The following SSH3 variants were observed in gnomAD, a reference collection of about 807,000 sequenced individuals.
SSH3 encodes slingshot protein phosphatase 3.
Under a neutral mutation model 75.0 loss-of-function variants are expected in SSH3, and 67 were observed. The observed-to-expected ratio is 0.89, with a 90% CI of 0.73 to 1.10. The LOEUF (loss-of-function observed/expected upper bound fraction) is 1.10, where lower values mean the gene tolerates loss of function less well. SSH3 is among the 50% of genes least tolerant of loss of function. The probability of loss-of-function intolerance (pLI) is 0.00; values close to 1 mark genes in which losing one functional copy is unlikely to be tolerated. For missense variants in SSH3, 824 were observed against 872.7 expected (o/e 0.94, Z 0.70); for synonymous variants, 318 against 349.2 (o/e 0.91, Z 1.00).
At chr11:67,310,465 GC>G in intron 13 of SSH3, 126 bp downstream of exon 13, 2 of 1,258,740 alleles carry the variant, frequency 1.6e-6, no homozygotes, top group Non-Finnish European at 2.1e-6. Context: ...AGTCTGGCCC[GC>G]CCATGCAGGG....
chr11:67,304,250 G>A (rs1861161650), intron 2 of SSH3, 95 bp downstream of exon 2: 7 of 1,025,730 alleles, frequency 6.8e-6, no homozygotes, highest in Non-Finnish European at 8.5e-6. Flanking sequence ...AAGCTCCCCG[G>A]AGGACGCGCA....
chr11:67,303,957 G>C (rs1475012746), intron 1 of SSH3, 161 bp from the exon 2 acceptor site: 7 of 1,027,622 alleles, frequency 6.8e-6, no homozygotes, highest in Non-Finnish European at 9.5e-6. Flanking sequence ...CTGGCCTTGG[G>C]CCGGGGCTCC....
chr11:67,305,575 T>C (rs1318889319), intron 3 of SSH3, among the ~76,000 whole-genome samples: 1 of 152,140 alleles, frequency 6.6e-6, no homozygotes, highest in Non-Finnish European at 1.5e-5. Context: ...TGTGAGCCAA[T>C]AGGGCCAAAT....
intron 2 of SSH3, among the ~76,000 whole-genome samples, chr11:67,304,426 G>C (rs1190324515): frequency 6.6e-6 from 1 of 152,208 alleles, no homozygotes; most frequent in Non-Finnish European, 1.5e-5. Context: ...AACGGCAGGA[G>C]GGCATGATGG....
Position 67,312,075 on chromosome 11 carries a change from C to A in SSH3, c.*188C>A. 1.3e-6 allele frequency: 1 copy of A among 760,110 alleles called. No individual in the cohort carries two copies. Among genetic ancestry groups the A allele is most frequent in the Non-Finnish European group, 2.1e-6 (1 of 485,724 alleles). The allele number at this position is 760,110 out of a possible 1,614,324, so 47.1% of individuals were successfully genotyped here. A position where few individuals can be genotyped will look rare whatever the true frequency, so the allele number is the denominator to read the frequency against. The stretch of plus-strand genomic sequence containing the variant: ...CCTGTCACTACAGCCTCACCTCCTA[C>A]AGCCTTAAGTCCCAGGCCCATGTCT... On this transcript the variant is annotated 3_prime_UTR_variant, in exon 14 of 14. Coordinates refer to ENST00000308127, the MANE Select transcript of SSH3 (RefSeq NM_017857.4).
At chr11:67,304,688 A>T in intron 2 of SSH3, 85 bp from the exon 3 acceptor site, 1 of 1,336,890 alleles carries the variant, frequency 7.5e-7, no homozygotes, top group Non-Finnish European at 1.0e-6. Context: ...CAAGGGCTGC[A>T]GGTGAATGTG....
In SSH3 at chr11:67,306,860, G is replaced by A. The variant is rs202137284; in HGVS notation, c.362G>A (p.Arg121Gln). 2.0e-5 allele frequency: 32 copies of A among 1,612,620 alleles called. No homozygotes were observed. In the Admixed American group the frequency reaches 4.5e-4, roughly 23 times the overall value. ...CAGGCAGCCCAGCTGGAGGCACCCC[G>A]GCCTCCCCGGCTCCGCTACCTGCTG... ...IRLAAQLEAP[R>Q]PPRLRYLLVV... Residue 121 changes from arginine to glutamine, a missense_variant, in exon 4 of 14, where the codon CGG becomes CAG. Physicochemically the swap from Arg to Gln is conservative, Grantham distance 43. Transcript: ENST00000308127.
Position 67,307,988 on chromosome 11 carries a change from C to G in SSH3, c.885+49C>G. 2.5e-6 allele frequency: 4 copies of G among 1,610,302 alleles called. No homozygotes were observed. Among genetic ancestry groups the G allele is most frequent in the Non-Finnish European group, 2.5e-6 (3 of 1,177,752 alleles). ...AGTCCCCTCTAGCAGGGGCTGCAAG[C>G]TTGCCTTTCCTGGGAGCCCTCCCCA... On this transcript the variant is annotated intron_variant, in intron 8 of 13. Coordinates refer to ENST00000308127, the MANE Select transcript of SSH3 (RefSeq NM_017857.4). This position sits in a 1 kb window ranked among gnomAD's most constrained non-coding sequence, Gnocchi z 4.2.
At chr11:67,303,974 C>T in intron 1 of SSH3, 144 bp from the exon 2 acceptor site, 2 of 1,124,860 alleles carry the variant, frequency 1.8e-6, no homozygotes, top group Non-Finnish European at 2.5e-6. Flanking sequence ...CTCCACGGGG[C>T]CTCCCGGTGG....
Position 67,312,050 on chromosome 11 carries a change from CCTGTCACTACAGCCTCACCTCCTACAG to C in SSH3, c.*165_*191del. 1 of 898,984 alleles carries C rather than the reference CCTGTCACTACAGCCTCACCTCCTACAG, an allele frequency of 1.1e-6. No individual in the cohort carries two copies. The highest frequency in any genetic ancestry group is 1.7e-5 in the African/African-American group (1 of 58,582). The allele number at this position is 898,984 out of a possible 1,614,324, so 55.7% of individuals were successfully genotyped here. ...TGTCACTACGGCCTCACCTCCCACC[CCTGTCACTACAGCCTCACCTCCTACAG>C]CCTTAAGTCCCAGGCCCATGTCTGC... On this transcript the variant is annotated 3_prime_UTR_variant, in exon 14 of 14. Coordinates refer to ENST00000308127, the MANE Select transcript of SSH3 (RefSeq NM_017857.4).
At chr11:67,304,329 C>T (rs973455948) in intron 2 of SSH3, among the ~76,000 whole-genome samples, 174 bp downstream of exon 2, 8 of 152,232 alleles carry the variant, frequency 5.3e-5, no homozygotes, top group Admixed American at 1.3e-4. Context: ...CGCGGTAGGG[C>T]GGCCTTTGCC....
intron 3 of SSH3, among the ~76,000 whole-genome samples, chr11:67,305,483 C>T (rs996254165): frequency 9.2e-5 from 14 of 152,276 alleles, no homozygotes; most frequent in Middle Eastern, 3.4e-3. Context: ...CCACCGCGCC[C>T]GGCCTGGGCA....
In SSH3 at chr11:67,304,125, C is replaced by A. The variant is rs750754576; in HGVS notation, c.74C>A (p.Ala25Glu). 44 of 1,596,588 alleles carry A rather than the reference C, an allele frequency of 2.8e-5. No individual in the cohort carries two copies. The highest frequency in any genetic ancestry group is 3.6e-5 in the Non-Finnish European group (42 of 1,175,870). Reference protein sequence around the residue: ...ASTPVGPWDQAVQRRSRLQRR... With the variant: ...ASTPVGPWDQEVQRRSRLQRR... Reference sequence around the variant, plus strand: ...GGGCTGCTCTCTCCGCAGGACCAGGCGGTCCAGCGAAGGAGTCGACTCCAG... The same window carrying A: ...GGGCTGCTCTCTCCGCAGGACCAGGAGGTCCAGCGAAGGAGTCGACTCCAG... The change falls in exon 2 of 14, where the codon GCG (alanine) becomes GAG (glutamate). Residue 25 changes from alanine (A) to glutamate (E), a missense_variant. Ala to Glu is a moderately radical substitution (Grantham distance 107). Transcript: ENST00000308127.
At chr11:67,311,194 G>A (rs113730246) in intron 13 of SSH3, among the ~76,000 whole-genome samples, 5 of 152,196 alleles carry the variant, frequency 3.3e-5, no homozygotes, top group Non-Finnish European at 5.9e-5. Flanking sequence ...ACCCAGCACC[G>A]GACGCACGCA....
Position 67,307,321 on chromosome 11 carries a change from T to C in SSH3, c.537-50T>C, listed in dbSNP as rs1296817910. ...CCGTATCCAGCAAAAGGATGGGTTC[T>C]CTGTCGCAGAGCCTGGAGTCTGGCC... On this transcript the variant is annotated intron_variant, in intron 5 of 13. Coordinates refer to ENST00000308127, the MANE Select transcript of SSH3 (RefSeq NM_017857.4). The surrounding 1 kb of genome is among the most constrained non-coding windows in gnomAD (Gnocchi z 4.2). The C allele has an allele frequency of 6.2e-7, 1 of 1,609,970 alleles. No homozygotes were observed. Among genetic ancestry groups the C allele is most frequent in the South Asian group, 1.1e-5 (1 of 90,560 alleles).
chr11:67,306,255 C>T (rs181325723), intron 3 of SSH3, among the ~76,000 whole-genome samples: 2 of 150,700 alleles, frequency 1.3e-5, no homozygotes, highest in African/African-American at 4.9e-5. Flanking sequence ...CGCCACTGCA[C>T]TCCAGCCTGG....
Position 67,307,176 on chromosome 11 carries a change from C to A in SSH3, c.536+63C>A. 6.3e-7 allele frequency: 1 copy of A among 1,596,750 alleles called. No individual in the cohort carries two copies. Among genetic ancestry groups the A allele is most frequent in the Non-Finnish European group, 8.5e-7 (1 of 1,172,304 alleles). On this transcript the variant is annotated intron_variant, in intron 5 of 13. Coordinates refer to ENST00000308127, the MANE Select transcript of SSH3 (RefSeq NM_017857.4). The surrounding 1 kb of genome is among the most constrained non-coding windows in gnomAD (Gnocchi z 4.2). Reference sequence around the variant, plus strand: ...GAATAACTGAGTGTGACGGATGTGACGGGGCCTGGGCACCAGGGTACAGTA... The same window carrying A: ...GAATAACTGAGTGTGACGGATGTGAAGGGGCCTGGGCACCAGGGTACAGTA...
Position 67,310,173 on chromosome 11 carries a change from G to A in SSH3, c.1517G>A (p.Gly506Asp). ...CCACCTCTTCCGCCAGAACCTGAGG[G>A]TGGTGGGGAGGAGAAGGTTGTAGGC... ...PFPPLPPEPE[G>D]GGEEKVVGME... is the part of the protein sequence containing the mutation. The change falls in exon 13 of 14, where the codon GGT becomes GAT. Residue 506 changes from glycine to aspartate, a missense_variant. Gly to Asp is a moderately conservative substitution (Grantham distance 94, BLOSUM62 -1). Coordinates refer to ENST00000308127, the MANE Select transcript of SSH3 (RefSeq NM_017857.4). 2 of 1,614,260 alleles carry A rather than the reference G, an allele frequency of 1.2e-6. No individual in the cohort carries two copies. The highest frequency in any genetic ancestry group is 1.7e-6 in the Non-Finnish European group (2 of 1,180,048).
At chr11:67,311,480 C>G in intron 13 of SSH3, 111 bp from the exon 14 acceptor site, 2 of 1,390,220 alleles carry the variant, frequency 1.4e-6, no homozygotes, top group Non-Finnish European at 2.0e-6. Flanking sequence ...GCCCTCGCCT[C>G]CTCCTGGCTC....
Sources: allele counts gnomAD v4.1 joint callset (sites outside exome capture counted in the v4.1 genomes callset), GRCh38; gene constraint gnomAD v4.1.1; non-coding constraint Gnocchi (gnomAD v3.1); transcripts MANE v1.5; gene names NCBI Gene and HGNC (gene_info 2026-07-23, HGNC 2026-07-21).